MYO5A: variants seen among roughly 807,000 people sequenced by gnomAD.
MYO5A encodes myosin VA.
Under a neutral mutation model 249.7 loss-of-function variants are expected in MYO5A, and 98 were observed. The observed-to-expected ratio is 0.39, with a 90% CI of 0.33 to 0.46. The LOEUF is 0.46. Ranked by LOEUF, MYO5A falls within the 20% of genes least tolerant of loss-of-function variation. MYO5A has a pLI of 0.98. For synonymous variants in MYO5A, 778 were observed against 810.6 expected (o/e 0.96, Z 0.68); for missense variants, 1,696 against 2,308.8 (o/e 0.73, Z 5.44).
intron 1 of MYO5A, among the ~76,000 whole-genome samples, chr15:52,473,508 C>T (rs558871745): frequency 3.9e-4 from 59 of 152,228 alleles, no homozygotes; most frequent in African/African-American, 7.5e-4. Flanking sequence ...GGTTTTCTTC[C>T]AGGGTTTTTA....
chr15:52,528,700 C>G (rs2141687469), intron 1 of MYO5A, 80 bp downstream of exon 1: 2 of 1,443,106 alleles, frequency 1.4e-6, no homozygotes, highest in East Asian at 2.9e-5. Context: ...GCCCGGCGCT[C>G]CCGCCCCCTC....
chr15:52,326,708 T>C (rs2038627230), intron 36 of MYO5A, among the ~76,000 whole-genome samples: 1 of 152,208 alleles, frequency 6.6e-6, no homozygotes, highest in East Asian at 1.9e-4. Context: ...ATGGCAAATT[T>C]TATGTTATGT....
chr15:52,425,030 G>C (rs1464799949), intron 4 of MYO5A, among the ~76,000 whole-genome samples: 1 of 152,176 alleles, frequency 6.6e-6, no homozygotes, highest in Non-Finnish European at 1.5e-5. Flanking sequence ...TGAAGAAGGA[G>C]GATCACTTGA....
At chr15:52,508,448 A>G (rs1371075691) in intron 1 of MYO5A, among the ~76,000 whole-genome samples, 1 of 151,732 alleles carries the variant, frequency 6.6e-6, no homozygotes, top group Non-Finnish European at 1.5e-5. Flanking sequence ...ACAACACACA[A>G]TGTACAAACA....
chr15:52,443,976 C>CT lies in MYO5A; in HGVS notation c.28-10692dup, dbSNP rs547034287. ...CCAGCCTGGGCAACAGAGGAAGACT[C>CT]TGTCTCCAAAAAAAAAAGGAAAATC... is the stretch of plus-strand genomic sequence containing the variant. On this transcript the variant is annotated intron_variant, in intron 1 of 41. Coordinates refer to ENST00000399233, the MANE Select transcript of MYO5A (RefSeq NM_001382347.1). Among the ~76,000 whole-genome samples, 16 of 152,026 alleles carry CT rather than the reference C, an allele frequency of 1.1e-4. No homozygotes were observed. The South Asian group carries it at 2.9e-3, about 28-fold the overall frequency.
At chr15:52,462,857 A>G (rs970282041) in intron 1 of MYO5A, among the ~76,000 whole-genome samples, 2 of 152,106 alleles carry the variant, frequency 1.3e-5, no homozygotes, top group Non-Finnish European at 2.9e-5. Context: ...GAAAAAAAAA[A>G]AAAAGGTTAT....
chr15:52,491,717 A>G (rs568851991), intron 1 of MYO5A, among the ~76,000 whole-genome samples: 1 of 152,340 alleles, frequency 6.6e-6, no homozygotes, highest in South Asian at 2.1e-4. Flanking sequence ...TCAAACGGAA[A>G]TTAAGGCATA....
intron 20 of MYO5A, among the ~76,000 whole-genome samples, chr15:52,374,203 G>A (rs1012513132): frequency 1.2e-4 from 18 of 152,108 alleles, no homozygotes; most frequent in African/African-American, 4.1e-4. Context: ...AGACTACTCT[G>A]GTGACCCCAT....
At chr15:52,443,036 C>T (rs2075816995) in intron 1 of MYO5A, among the ~76,000 whole-genome samples, 2 of 152,182 alleles carry the variant, frequency 1.3e-5, no homozygotes, top group African/African-American at 4.8e-5. Context: ...CAGGCGTGAG[C>T]CACCGTGCCT....
intron 1 of MYO5A, among the ~76,000 whole-genome samples, chr15:52,483,526 A>AAAC (rs527258911): frequency 1.5e-3 from 224 of 147,470 alleles, no homozygotes; most frequent in African/African-American, 5.1e-3. Flanking sequence ...ATATATTTAA[A>AAAC]AACAACAACA....
chr15:52,430,782 T>C (rs1381526531), intron 2 of MYO5A, among the ~76,000 whole-genome samples: 1 of 152,170 alleles, frequency 6.6e-6, no homozygotes, highest in African/African-American at 2.4e-5. Flanking sequence ...AATTCTGAAA[T>C]AACTTTATGT....
intron 1 of MYO5A, among the ~76,000 whole-genome samples, chr15:52,490,623 AG>A (rs1464836524): frequency 6.6e-6 from 1 of 152,196 alleles, no homozygotes; most frequent in African/African-American, 2.4e-5. Context: ...CAGGGACTAG[AG>A]GGAGTGGGGA....
intron 2 of MYO5A, among the ~76,000 whole-genome samples, chr15:52,430,629 C>T (rs1486479801): frequency 6.6e-6 from 1 of 151,982 alleles, no homozygotes; most frequent in Non-Finnish European, 1.5e-5. Context: ...CTTGTTTGAC[C>T]CCTGTCCCTA....
At chr15:52,521,820 G>C (rs1320503886) in intron 1 of MYO5A, among the ~76,000 whole-genome samples, 1 of 152,158 alleles carries the variant, frequency 6.6e-6, no homozygotes, top group South Asian at 2.1e-4. Context: ...GCAAAGTTTA[G>C]GTTGTATCAG....
At chr15:52,479,931 T>C (rs1210895445) in intron 1 of MYO5A, among the ~76,000 whole-genome samples, 1 of 150,730 alleles carries the variant, frequency 6.6e-6, no homozygotes, top group Admixed American at 6.6e-5. Flanking sequence ...CTCCACCAGT[T>C]TGTGTGTGTA....
intron 1 of MYO5A, among the ~76,000 whole-genome samples, chr15:52,448,426 GT>G (rs1286170176): frequency 2.0e-5 from 3 of 152,172 alleles, no homozygotes; most frequent in Non-Finnish European, 4.4e-5. Context: ...TAACTAACTT[GT>G]TTTTTATTTT....
rs955085955 is a variant in MYO5A, at chr15:52,458,876, T to C, written c.28-25591A>G. Reference sequence around the variant, plus strand: ...TTTTAAAATATTAGAAATTTGAAAATATTGGCAAGGGCACAGGAATTAGGA... The same window carrying C: ...TTTTAAAATATTAGAAATTTGAAAACATTGGCAAGGGCACAGGAATTAGGA... On this transcript the variant is annotated intron_variant, in intron 1 of 41. Transcript: ENST00000399233. 2.0e-5 allele frequency among the ~76,000 whole-genome samples: 3 copies of C among 152,192 alleles called. No individual in the cohort carries two copies. In the East Asian group the frequency reaches 5.8e-4, roughly 29 times the overall value.
At chr15:52,404,907 G>A (rs939601131) in intron 9 of MYO5A, among the ~76,000 whole-genome samples, 1 of 152,120 alleles carries the variant, frequency 6.6e-6, no homozygotes, top group Non-Finnish European at 1.5e-5. Context: ...TGAAGGCAGT[G>A]GGGAGTCCTG....
chr15:52,425,595 G>T (rs1333144892), intron 4 of MYO5A, among the ~76,000 whole-genome samples: 2 of 152,122 alleles, frequency 1.3e-5, no homozygotes, highest in Non-Finnish European at 2.9e-5. Context: ...CCTGACCTCA[G>T]GTAATTCGCC....
Sources: allele counts gnomAD v4.1 joint callset (sites outside exome capture counted in the v4.1 genomes callset), GRCh38; gene constraint gnomAD v4.1.1; transcripts MANE v1.5; gene names NCBI Gene and HGNC (gene_info 2026-07-23, HGNC 2026-07-21).